Variants in ACTR3C observed in about 807,000 individuals in gnomAD.
ACTR3C encodes actin-related protein 3C.
A neutral mutation model predicts 26.3 loss-of-function variants in ACTR3C; 18 were observed. The ratio of observed to expected loss-of-function variants is 0.68; its 90% CI spans 0.47 to 1.01. ACTR3C has a LOEUF of 1.01. Among genes scored for constraint, ACTR3C ranks in the 50% least tolerant of loss-of-function variants. The pLI is 0.00. For synonymous variants in ACTR3C, 55 were observed against 94.5 expected (o/e 0.58, Z 2.42); for missense variants, 184 against 250.7 (o/e 0.73, Z 1.80).
chr7:150,047,141 A>T, the ACTR3C span, among the ~76,000 whole-genome samples: 1 of 151,726 alleles, frequency 6.6e-6, no homozygotes, highest in Non-Finnish European at 1.5e-5. Context: ...CAGAGTGAGT[A>T]GGAGAGGAGG....
the ACTR3C span, among the ~76,000 whole-genome samples, chr7:150,134,165 C>A: frequency 6.6e-6 from 1 of 151,074 alleles, no homozygotes; most frequent in Admixed American, 6.6e-5. Context: ...ATGTAACAAA[C>A]CTGCACGTTG....
the ACTR3C span, among the ~76,000 whole-genome samples, chr7:150,055,534 T>C: frequency 6.6e-6 from 1 of 150,572 alleles, no homozygotes; most frequent in Non-Finnish European, 1.5e-5. Context: ...TTATTCAGAA[T>C]CAAAAAAGAA....
the ACTR3C span, among the ~76,000 whole-genome samples, chr7:150,105,455 T>C: frequency 1.3e-5 from 2 of 151,964 alleles, no homozygotes; most frequent in Non-Finnish European, 2.9e-5. Context: ...GGCTAGTGAA[T>C]GGCTGCTTTG....
intron 6 of ACTR3C, among the ~76,000 whole-genome samples, chr7:150,249,940 C>T (rs977946757): frequency 3.3e-5 from 5 of 152,182 alleles, no homozygotes; most frequent in African/African-American, 9.7e-5. Context: ...GCCTCACTTC[C>T]GGGGACTGTG....
chr7:150,226,706 G>A, the ACTR3C span, among the ~76,000 whole-genome samples: 1 of 152,156 alleles, frequency 6.6e-6, no homozygotes, highest in Admixed American at 6.5e-5. Context: ...TCAAAGTGCT[G>A]GGATTACAGG....
the ACTR3C span, among the ~76,000 whole-genome samples, chr7:150,212,874 G>C: frequency 6.6e-6 from 1 of 151,340 alleles, no homozygotes; most frequent in African/African-American, 2.4e-5. Context: ...TTGAGCCCTG[G>C]CTCTCTCATT....
At chr7:150,035,165 G>A in the ACTR3C span, among the ~76,000 whole-genome samples, 7 of 137,264 alleles carry the variant, frequency 5.1e-5, no homozygotes, top group Non-Finnish European at 6.5e-5. Context: ...CCTAAGCCAG[G>A]GGGGGAAGAG....
At chr7:150,132,342 T>A in the ACTR3C span, among the ~76,000 whole-genome samples, 44 of 152,340 alleles carry the variant, frequency 2.9e-4, no homozygotes, top group African/African-American at 9.6e-4. Flanking sequence ...ATTGTAGCTT[T>A]AAAAATGTCC....
At chr7:150,066,982 G>A in the ACTR3C span, among the ~76,000 whole-genome samples, 1 of 152,186 alleles carries the variant, frequency 6.6e-6, no homozygotes, top group African/African-American at 2.4e-5. Context: ...TTCTTTTCTA[G>A]AAAACTAATC....
chr7:149,903,061 A>C, the ACTR3C span, among the ~76,000 whole-genome samples: 3 of 105,950 alleles, frequency 2.8e-5, 1 homozygote, highest in African/African-American at 8.1e-5. Flanking sequence ...ATTAAAAAAA[A>C]CCCTCAGATT....
chr7:150,069,017 C>G, the ACTR3C span, among the ~76,000 whole-genome samples: 1 of 152,146 alleles, frequency 6.6e-6, no homozygotes, highest in Non-Finnish European at 1.5e-5. Flanking sequence ...CAGAGACTGA[C>G]CAGCTCTGTT....
At chr7:150,038,999 C>CGG in the ACTR3C span, among the ~76,000 whole-genome samples, 385 of 78,134 alleles carry the variant, frequency 4.9e-3, 60 homozygotes, top group African/African-American at 0.025. Flanking sequence ...TCCTCAGAGC[C>CGG]GGGGGGCGGG....
chr7:150,195,048 C>G, the ACTR3C span, among the ~76,000 whole-genome samples: 1 of 151,260 alleles, frequency 6.6e-6, no homozygotes, highest in Non-Finnish European at 1.5e-5. Context: ...GAGCCAAGAT[C>G]GTGCCACTAG....
chr7:150,131,998 T>G, the ACTR3C span, among the ~76,000 whole-genome samples: 3 of 152,200 alleles, frequency 2.0e-5, no homozygotes, highest in African/African-American at 7.2e-5. Flanking sequence ...GAATGATAGT[T>G]GCGGGGAATG....
chr7:150,160,995 G>T, the ACTR3C span, among the ~76,000 whole-genome samples: 1 of 150,426 alleles, frequency 6.6e-6, no homozygotes, highest in East Asian at 2.0e-4. Flanking sequence ...GGGGAGATAA[G>T]GTGGGCAGTG....
the ACTR3C span, among the ~76,000 whole-genome samples, chr7:149,933,708 G>A: frequency 5.9e-5 from 9 of 152,168 alleles, no homozygotes; most frequent in East Asian, 1.9e-4. Flanking sequence ...CACTAGCAAC[G>A]CATAAATTCT....
At chr7:150,144,724 A>T in the ACTR3C span, among the ~76,000 whole-genome samples, 42 of 152,190 alleles carry the variant, frequency 2.8e-4, no homozygotes, top group African/African-American at 9.2e-4. This position sits in a 1 kb window ranked among gnomAD's most constrained non-coding sequence, Gnocchi z 4.6. Flanking sequence ...TTGGGGAAGA[A>T]GCTCTATATT....
At chr7:150,153,250 C>G in the ACTR3C span, among the ~76,000 whole-genome samples, 2 of 152,078 alleles carry the variant, frequency 1.3e-5, no homozygotes, top group African/African-American at 4.8e-5. Context: ...ACAGCTTCTG[C>G]ACAGCAAAAG....
the ACTR3C span, among the ~76,000 whole-genome samples, chr7:150,006,169 C>T: frequency 5.5e-5 from 6 of 108,440 alleles, no homozygotes; most frequent in Middle Eastern, 4.7e-3. Flanking sequence ...CCAATAAATA[C>T]GACTGAATTG....
Sources: allele counts gnomAD v4.1 joint callset (sites outside exome capture counted in the v4.1 genomes callset), GRCh38; gene constraint gnomAD v4.1.1; non-coding constraint Gnocchi (gnomAD v3.1); transcripts MANE v1.5; gene names NCBI Gene and HGNC (gene_info 2026-07-23, HGNC 2026-07-21).